The following CCDC141 variants were observed in gnomAD, a reference collection of about 807,000 sequenced individuals.
CCDC141 encodes the protein coiled-coil domain containing 141.
In CCDC141, 168 loss-of-function variants were observed where a neutral mutation model predicts 181.0. That is an observed-to-expected ratio of 0.93 (90% CI 0.82 to 1.05). The LOEUF (loss-of-function observed/expected upper bound fraction) is 1.05. Among genes scored for constraint, CCDC141 ranks in the 50% least tolerant of loss-of-function variants. CCDC141 has a pLI of 0.00. For synonymous variants in CCDC141, 666 were observed against 642.3 expected (o/e 1.04, Z -0.56); for missense variants, 1,902 against 1,788.5 (o/e 1.06, Z -1.14).
intron 2 of CCDC141, among the ~76,000 whole-genome samples, chr2:179,035,770 T>C (rs924283844): frequency 2.6e-5 from 4 of 152,136 alleles, no homozygotes; most frequent in African/African-American, 4.8e-5. Context: ...AAGCAGCCAG[T>C]CTCTTGAGGC....
At chr2:178,937,939 G>A (rs983509836) in intron 6 of CCDC141, among the ~76,000 whole-genome samples, 1 of 151,868 alleles carries the variant, frequency 6.6e-6, no homozygotes, top group Non-Finnish European at 1.5e-5. Flanking sequence ...TGTTTATTTG[G>A]ATCTTCTCTC....
chr2:178,949,712 CAGG>C (rs1689873457), intron 5 of CCDC141, among the ~76,000 whole-genome samples: 1 of 152,134 alleles, frequency 6.6e-6, no homozygotes, highest in South Asian at 2.1e-4. Flanking sequence ...TCAGGCCTGT[CAGG>C]AGGAGTCTCT....
In CCDC141 at chr2:178,836,998, C is replaced by T. The variant is rs1192399570; in HGVS notation, c.4221G>A (p.Gln1407=). 33 of 1,613,886 alleles carry T rather than the reference C, an allele frequency of 2.0e-5. No individual in the cohort carries two copies. The highest frequency in any genetic ancestry group is 2.6e-5 in the Non-Finnish European group (31 of 1,179,948). The change falls in exon 23 of 24, where the codon CAG becomes CAA. Residue 1407 remains glutamine, a synonymous_variant. Coordinates refer to ENST00000443758, the MANE Select transcript of CCDC141 (RefSeq NM_173648.4). ...AKSSVVSLAD[Q]APNFSRLLSN... Reference sequence around the variant, plus strand: ...ACAGGAGCCTGGAGAAATTAGGTGCCTGGTCAGCTAGGCTGACCACGCTGC... The same window carrying T: ...ACAGGAGCCTGGAGAAATTAGGTGCTTGGTCAGCTAGGCTGACCACGCTGC...
chr2:179,013,960 C>CAAAAAAAAAAAA (rs59851189), intron 2 of CCDC141, among the ~76,000 whole-genome samples: 1 of 46,880 alleles, frequency 2.1e-5, no homozygotes, highest in Non-Finnish European at 3.4e-5. Flanking sequence ...GACTCCATCT[C>CAAAAAAAAAAAA]AAAAAAAAAA....
At chr2:179,024,817 C>A (rs1349891103) in intron 2 of CCDC141, among the ~76,000 whole-genome samples, 1 of 152,108 alleles carries the variant, frequency 6.6e-6, no homozygotes, top group Non-Finnish European at 1.5e-5. Flanking sequence ...ATTGATGGCA[C>A]TTTAATGTTG....
chr2:178,847,463 C>T (rs1013890753), intron 21 of CCDC141, among the ~76,000 whole-genome samples: 9 of 152,054 alleles, frequency 5.9e-5, no homozygotes, highest in Admixed American at 1.3e-4. Flanking sequence ...CCTGGGAAGT[C>T]GAGGCTGCCG....
intron 8 of CCDC141, among the ~76,000 whole-genome samples, chr2:178,893,772 T>G (rs1242358118): frequency 6.7e-6 from 1 of 150,324 alleles, no homozygotes; most frequent in Non-Finnish European, 1.5e-5. Flanking sequence ...CTTTGAAAAT[T>G]TCTCCCACCA....
intron 2 of CCDC141, among the ~76,000 whole-genome samples, chr2:179,025,644 C>T (rs2154386233): frequency 6.6e-6 from 1 of 152,190 alleles, no homozygotes; most frequent in East Asian, 1.9e-4. Flanking sequence ...AAATTGGTAC[C>T]AGTAGAGTGG....
intron 16 of CCDC141, among the ~76,000 whole-genome samples, chr2:178,866,339 C>T (rs953953660): frequency 1.3e-5 from 2 of 152,156 alleles, no homozygotes; most frequent in African/African-American, 4.8e-5. Context: ...AGGGCCAAGG[C>T]CAGAAGAGGA....
chr2:178,908,915 A>G (rs1222508968), intron 7 of CCDC141, among the ~76,000 whole-genome samples: 2 of 152,250 alleles, frequency 1.3e-5, no homozygotes, highest in Non-Finnish European at 2.9e-5. Flanking sequence ...GTACTTGGAA[A>G]ATACTGGCTG....
Position 178,868,183 on chromosome 2 carries a change from C to G in CCDC141, c.2417G>C (p.Arg806Thr), listed in dbSNP as rs749018026. The G allele has an allele frequency of 3.1e-6, 5 of 1,611,256 alleles. No homozygotes were observed. Among genetic ancestry groups the G allele is most frequent in the Non-Finnish European group, 8.5e-7 (1 of 1,177,686 alleles). Reference sequence around the variant, plus strand: ...CGGCTGCTCTACAAACTCCAGCTCTCTTGATTTGATGAGACGTCCCAGCTA... The same window carrying G: ...CGGCTGCTCTACAAACTCCAGCTCTGTTGATTTGATGAGACGTCCCAGCTA... ...KEELGRLIKS[R>T]ELEFVEQPKE... Residue 806 changes from arginine to threonine, a missense_variant, in exon 16 of 24, where the codon AGA (arginine) becomes ACA (threonine). By Grantham distance (71) the Arg-to-Thr change is moderately conservative (BLOSUM62 -1). Transcript: ENST00000443758.
Position 178,832,485 on chromosome 2 carries a change from AAAAAAAAC to A in CCDC141, c.*1680_*1687del, listed in dbSNP as rs1684294303. 1 of 142,476 alleles carries A rather than the reference AAAAAAAAC, an allele frequency of 7.0e-6. No homozygotes were observed. The highest frequency in any genetic ancestry group is 2.6e-5 in the African/African-American group (1 of 37,794). 8.8% of individuals were successfully genotyped at this position (142,476 alleles called of 1,614,324 possible). A position where few individuals can be genotyped will look rare whatever the true frequency, so the allele number is the denominator to read the frequency against. On this transcript the variant is annotated 3_prime_UTR_variant, in exon 24 of 24. Transcript: ENST00000443758. ...TTTCTCAAAAAAAAAAAAAAAAAAC[AAAAAAAAC>A]AAAAAAAAGATAGTTAAGAGAAATT...
chr2:178,989,097 GT>G (rs932307873), intron 2 of CCDC141, among the ~76,000 whole-genome samples: 19 of 152,238 alleles, frequency 1.2e-4, no homozygotes, highest in South Asian at 1.0e-3. Context: ...TTTGGCAATA[GT>G]TTTTTAGATA....
At chr2:178,900,920 A>C (rs1184406841) in intron 8 of CCDC141, among the ~76,000 whole-genome samples, 1 of 152,196 alleles carries the variant, frequency 6.6e-6, no homozygotes, top group East Asian at 1.9e-4. Flanking sequence ...GAGAAGGAAA[A>C]TACATGAGAT....
intron 7 of CCDC141, among the ~76,000 whole-genome samples, chr2:178,914,851 AT>A (rs1234110447): frequency 6.6e-6 from 1 of 152,188 alleles, no homozygotes; most frequent in East Asian, 1.9e-4. Flanking sequence ...GTAAATAATA[AT>A]ATCCCTATCT....
Position 179,015,114 on chromosome 2 carries a change from TAATC to T in CCDC141, c.225+32166_225+32169del, listed in dbSNP as rs1482178666. ...TATATATATATATATAATATATATA[TAATC>T]ATATATATATATCATATCATATATA... On this transcript the variant is annotated intron_variant, in intron 2 of 23. Transcript: ENST00000443758. Among the ~76,000 whole-genome samples the T allele has an allele frequency of 1.1e-3, 29 of 26,294 alleles. 2 individuals carry two copies. Among genetic ancestry groups the T allele is most frequent in the Non-Finnish European group, 2.6e-3 (18 of 6,986 alleles). 17.2% of individuals were successfully genotyped at this position (26,294 alleles called of 152,430 possible).
Position 178,976,226 on chromosome 2 carries a change from G to A in CCDC141, c.418-1061C>T, listed in dbSNP as rs1691116548. On this transcript the variant is annotated intron_variant, in intron 3 of 23. Transcript: ENST00000443758. ...CAACAGTAATTATCACAATTTATATGAGCATTTTAATATATCCACCTTTGG... is the reference window on the plus strand; with the variant it reads ...CAACAGTAATTATCACAATTTATATAAGCATTTTAATATATCCACCTTTGG... Among the ~76,000 whole-genome samples, 3 of 152,270 alleles carry A rather than the reference G, an allele frequency of 2.0e-5. No homozygotes were observed. In the South Asian group the frequency reaches 6.2e-4, roughly 32 times the overall value.
rs1575154130 is a variant in CCDC141, at chr2:178,872,026, C to G, written c.2079+107G>C. ...ATAAGTGGAATCACACGATATTTAT[C>G]CTTTTGTGTTTGGCTTATTTCACTT... On this transcript the variant is annotated intron_variant, in intron 13 of 23. Coordinates refer to ENST00000443758, the MANE Select transcript of CCDC141 (RefSeq NM_173648.4). The G allele has an allele frequency of 6.4e-6, 7 of 1,085,468 alleles. No individual in the cohort carries two copies. The East Asian group carries it at 1.8e-4, about 27-fold the overall frequency. The allele number at this position is 1,085,468 out of a possible 1,614,324, so 67.2% of individuals were successfully genotyped here.
At chr2:178,926,548 C>G (rs1488163300) in intron 6 of CCDC141, 2 of 152,132 alleles carry the variant, frequency 1.3e-5, no homozygotes, top group Non-Finnish European at 2.9e-5. Context: ...ACCAATCCAT[C>G]AGGAGTTTAA....
Sources: gnomAD v4.1 joint callset for allele counts (sites outside exome capture counted in the v4.1 genomes callset) on GRCh38, gnomAD v4.1.1 for gene constraint, MANE v1.5 for transcripts, NCBI Gene and HGNC (gene_info 2026-07-23, HGNC 2026-07-21) for gene names.